PKIB: variants seen among roughly 807,000 people sequenced by gnomAD.
The protein encoded by PKIB is cAMP-dependent protein kinase inhibitor beta.
PKIB carries 2 observed loss-of-function variants against 4.5 expected under a neutral mutation model. The ratio of observed to expected loss-of-function variants is 0.44; its 90% confidence interval spans 0.18 to 1.39. The LOEUF (loss-of-function observed/expected upper bound fraction) is 1.39. Among genes scored for constraint, PKIB ranks in the 40% most tolerant of loss-of-function variants. PKIB has a pLI of 0.27. For missense variants in PKIB, 94 were observed against 92.6 expected, an observed-to-expected ratio of 1.02 and a Z score of -0.06; for synonymous variants, 38 against 36.0, an observed-to-expected ratio of 1.06 and a Z score of -0.20.
At chr6:122,561,566 ATT>A (rs149617837) in intron 2 of PKIB, among the ~76,000 whole-genome samples, 1 of 145,972 alleles carries the variant, frequency 6.9e-6, no homozygotes, top group Non-Finnish European at 1.5e-5. Flanking sequence ...TCTATTAGTA[ATT>A]TTTTTTTTTT....
At chr6:122,478,790 CA>C (rs544882223) in intron 2 of PKIB, 3 of 151,672 alleles carry the variant, frequency 2.0e-5, no homozygotes, top group African/African-American at 7.3e-5. Context: ...AGAAAGAAAA[CA>C]AAAAACAAAA....
intron 3 of PKIB, among the ~76,000 whole-genome samples, chr6:122,711,078 A>G (rs1193437541): frequency 6.6e-6 from 1 of 152,100 alleles, no homozygotes; most frequent in African/African-American, 2.4e-5. Flanking sequence ...ACTTATATTC[A>G]TCTAAAGGAG....
At chr6:122,680,022 C>G (rs1455041767) in intron 3 of PKIB, among the ~76,000 whole-genome samples, 1 of 152,156 alleles carries the variant, frequency 6.6e-6, no homozygotes, top group Non-Finnish European at 1.5e-5. Context: ...ACATATAATT[C>G]TGTAAAAATA....
chr6:122,581,833 A>G (rs1211331511), intron 2 of PKIB: 2 of 152,094 alleles, frequency 1.3e-5, no homozygotes, highest in East Asian at 3.9e-4. Context: ...TGATTGAGCC[A>G]TGAAGATTGA....
At chr6:122,635,573 T>C (rs1467845194) in intron 2 of PKIB, among the ~76,000 whole-genome samples, 1 of 147,040 alleles carries the variant, frequency 6.8e-6, no homozygotes, top group East Asian at 2.0e-4. Context: ...CTAAAAAAAG[T>C]ATCACAAAAA....
At position 122,509,102 on chromosome 6, in the gene PKIB, G is replaced by A. The variant is rs886713495; in HGVS notation, c.-248+31163G>A. On this transcript the variant is annotated intron_variant, in intron 2 of 6. Coordinates refer to the PKIB transcript ENST00000392491. ...TTGTAATTCAGCTCTTTGGGCTGAG[G>A]AAAAGTTAGTGTGGATAACTTTATC... Among the ~76,000 whole-genome samples the A allele has an allele frequency of 5.3e-5, 8 of 152,210 alleles. No homozygotes were observed. The East Asian group carries it at 1.5e-3, about 29-fold the overall frequency.
intron 3 of PKIB, among the ~76,000 whole-genome samples, chr6:122,588,357 C>A (rs569011026): frequency 1.3e-5 from 2 of 152,176 alleles, no homozygotes; most frequent in African/African-American, 4.8e-5. Context: ...TGTTCTGTTC[C>A]ATTGGTCTAG....
At chr6:122,680,535 G>C (rs1032825864) in intron 3 of PKIB, among the ~76,000 whole-genome samples, 2 of 152,132 alleles carry the variant, frequency 1.3e-5, no homozygotes, top group Non-Finnish European at 2.9e-5. Context: ...GGTGGGCTTT[G>C]GGAAAAGAGG....
chr6:122,539,082 C>T (rs1255633107), intron 2 of PKIB, among the ~76,000 whole-genome samples: 1 of 152,068 alleles, frequency 6.6e-6, no homozygotes. Context: ...AGATTTTGGG[C>T]TGAGACAATG....
chr6:122,478,208 T>A (rs1453233205), intron 2 of PKIB: 1 of 152,164 alleles, frequency 6.6e-6, no homozygotes, highest in African/African-American at 2.4e-5. Flanking sequence ...TAATGTCAGA[T>A]GAAGCTTATG....
intron 2 of PKIB, among the ~76,000 whole-genome samples, chr6:122,638,646 A>G (rs367870698): frequency 1.3e-5 from 2 of 152,000 alleles, no homozygotes; most frequent in East Asian, 3.8e-4. Context: ...AACCCCGATC[A>G]TTTTCTCAGT....
intron 3 of PKIB, among the ~76,000 whole-genome samples, chr6:122,601,298 C>T (rs1391017003): frequency 6.6e-6 from 1 of 151,298 alleles, no homozygotes; most frequent in Non-Finnish European, 1.5e-5. Context: ...TCAAGTTTGT[C>T]AAGAAAATTA....
chr6:122,596,285 T>G (rs1159359810), intron 3 of PKIB, among the ~76,000 whole-genome samples: 3 of 152,190 alleles, frequency 2.0e-5, no homozygotes, highest in Non-Finnish European at 4.4e-5. Context: ...GGCCCTAGTC[T>G]TCTCTTCCTC....
chr6:122,669,214 T>G (rs1167195504), intron 2 of PKIB, among the ~76,000 whole-genome samples: 1 of 152,198 alleles, frequency 6.6e-6, no homozygotes, highest in East Asian at 1.9e-4. Flanking sequence ...TGGGTGTTTT[T>G]TTTTCTCTTG....
intron 1 of PKIB, among the ~76,000 whole-genome samples, chr6:122,629,432 A>G (rs1775600500): frequency 9.8e-6 from 1 of 102,078 alleles, no homozygotes; most frequent in African/African-American, 2.9e-5. Context: ...ATAATTGAAT[A>G]CATAAATAAA....
chr6:122,708,721 C>T (rs1779156216), intron 3 of PKIB, among the ~76,000 whole-genome samples: 1 of 152,142 alleles, frequency 6.6e-6, no homozygotes, highest in Admixed American at 6.5e-5. Context: ...GCAACCTCCT[C>T]CTCCCGGGTT....
At chr6:122,511,513 T>C (rs1776584510) in intron 2 of PKIB, among the ~76,000 whole-genome samples, 1 of 152,190 alleles carries the variant, frequency 6.6e-6, no homozygotes, top group Non-Finnish European at 1.5e-5. Flanking sequence ...GTTTCTTCAC[T>C]GGATTCTTTT....
At chr6:122,504,851 G>A (rs1287556318) in intron 2 of PKIB, among the ~76,000 whole-genome samples, 2 of 152,114 alleles carry the variant, frequency 1.3e-5, no homozygotes, top group Admixed American at 1.3e-4. Context: ...GTCCTGTTGT[G>A]GGCCAGCCTC....
At chr6:122,573,952 C>A (rs1773451507) in intron 2 of PKIB, among the ~76,000 whole-genome samples, 1 of 152,152 alleles carries the variant, frequency 6.6e-6, no homozygotes, top group South Asian at 2.1e-4. Flanking sequence ...AAATAAAGGG[C>A]ATCCAAACTG....
Sources: gnomAD v4.1 joint callset for allele counts (sites outside exome capture counted in the v4.1 genomes callset) on GRCh38, gnomAD v4.1.1 for gene constraint, MANE v1.5 for transcripts, NCBI Gene and HGNC (gene_info 2026-07-23, HGNC 2026-07-21) for gene names.